The following PXN variants were observed in gnomAD, a reference collection of about 807,000 sequenced individuals.
PXN encodes the protein paxillin.
Under a neutral mutation model 103.6 loss-of-function variants are expected in PXN, and 61 were observed. That is an observed-to-expected ratio of 0.59 (90% CI 0.48 to 0.73). The LOEUF (loss-of-function observed/expected upper bound fraction) is 0.73, where lower values mean the gene tolerates loss of function less well. Among genes scored for constraint, PXN ranks in the 30% least tolerant of loss-of-function variants. The pLI is 0.00. For missense variants in PXN, 1,274 were observed against 1,460.3 expected (o/e 0.87, Z 2.08); for synonymous variants, 562 against 607.8 (o/e 0.92, Z 1.11).
At chr12:120,227,189 G>A (rs1480204032) in intron 1 of PXN, 3 of 982,916 alleles carry the variant, frequency 3.1e-6, no homozygotes, top group East Asian at 2.2e-4. Flanking sequence ...AAAACAGTGA[G>A]AGCCTGTCTC....
chr12:120,235,335 G>A (rs188137952), intron 1 of PXN, among the ~76,000 whole-genome samples: 1 of 152,258 alleles, frequency 6.6e-6, no homozygotes, highest in African/African-American at 2.4e-5. Context: ...AGCTCAGGAG[G>A]GGGTGAGGAG....
At chr12:120,237,126 CGTGTGT>C (rs147625061) in intron 1 of PXN, among the ~76,000 whole-genome samples, 18 of 142,506 alleles carry the variant, frequency 1.3e-4, no homozygotes, top group African/African-American at 4.0e-4. Context: ...TATGTATGTA[CGTGTGT>C]GTGTGTGTGT....
intron 1 of PXN, among the ~76,000 whole-genome samples, chr12:120,255,550 T>C (rs1443449406): frequency 1.3e-5 from 2 of 150,918 alleles, no homozygotes; most frequent in East Asian, 2.0e-4. Context: ...AAAAATTAGC[T>C]GGGCATGGTG....
intron 1 of PXN, among the ~76,000 whole-genome samples, chr12:120,252,625 C>T (rs959561544): frequency 3.9e-5 from 6 of 151,984 alleles, no homozygotes; most frequent in South Asian, 2.1e-4. Flanking sequence ...CATTAAACAT[C>T]GAGCACAGAG....
chr12:120,265,526 G>A lies in PXN; in HGVS notation c.13+91C>T. 2 of 1,380,414 alleles carry A rather than the reference G, an allele frequency of 1.4e-6. No homozygotes were observed. Among genetic ancestry groups the A allele is most frequent in the Non-Finnish European group, 1.9e-6 (2 of 1,057,894 alleles). The allele number at this position is 1,380,414 out of a possible 1,614,324, so 85.5% of individuals were successfully genotyped here. On this transcript the variant is annotated intron_variant, in intron 1 of 14. Transcript: ENST00000637617. This position sits in a 1 kb window ranked among gnomAD's most constrained non-coding sequence, Gnocchi z 5.7. Reference sequence around the variant, plus strand: ...CTGAGGCCGGGGCCGCCGAGGGTGGGATCCCGCGGCCCCTGCCGCTCGCTG... The same window carrying A: ...CTGAGGCCGGGGCCGCCGAGGGTGGAATCCCGCGGCCCCTGCCGCTCGCTG...
At position 120,214,756 on chromosome 12, in the gene PXN, G is replaced by C; in HGVS notation, c.2748+69C>G. Reference sequence around the variant, plus strand: ...CTCTGAGCCTCCCACGGCACCCCCTGCATCCTCAGAGGGCTGCGGTGAAGC... The same window carrying C: ...CTCTGAGCCTCCCACGGCACCCCCTCCATCCTCAGAGGGCTGCGGTGAAGC... On this transcript the variant is annotated intron_variant, in intron 12 of 14. Transcript: ENST00000637617. This position sits in a 1 kb window ranked among gnomAD's most constrained non-coding sequence, Gnocchi z 5.0. 2.1e-5 allele frequency: 33 copies of C among 1,580,424 alleles called. No homozygotes were observed. The highest frequency in any genetic ancestry group is 2.8e-5 in the Non-Finnish European group (32 of 1,157,284).
chr12:120,239,672 A>G (rs1199406210), intron 1 of PXN, among the ~76,000 whole-genome samples: 1 of 152,152 alleles, frequency 6.6e-6, no homozygotes, highest in Non-Finnish European at 1.5e-5. Context: ...AATTGCTTGA[A>G]CCTGGGAGGC....
In PXN at chr12:120,214,617, G is replaced by T. The variant is rs1045945063; in HGVS notation, c.2748+208C>A. ...TCTCCACAGAAAGGAATCGAGATGG[G>T]AGGTGAAGGGAGGTGGGGCTGCCCG... is the stretch of plus-strand genomic sequence containing the variant. On this transcript the variant is annotated intron_variant, in intron 12 of 14. Transcript: ENST00000637617. This position sits in a 1 kb window ranked among gnomAD's most constrained non-coding sequence, Gnocchi z 5.0. Among the ~76,000 whole-genome samples, 1 of 152,194 alleles carries T rather than the reference G, an allele frequency of 6.6e-6. No homozygotes were observed. Among genetic ancestry groups the T allele is most frequent in the African/African-American group, 2.4e-5 (1 of 41,448 alleles).
In PXN at chr12:120,236,571, G is replaced by A. The variant is rs369029546; in HGVS notation, c.14-12194C>T. ...CAGCTCACTGCAACCTCTGCCTCCC[G>A]GGTTCAAGCAATTCCCTGCCTCAGC... On this transcript the variant is annotated intron_variant, in intron 1 of 14. Coordinates refer to ENST00000637617, the MANE Select transcript of PXN (RefSeq NM_001385981.1). Among the ~76,000 whole-genome samples the A allele has an allele frequency of 4.7e-5, 7 of 150,014 alleles. No homozygotes were observed. In the East Asian group the frequency reaches 1.2e-3, roughly 25 times the overall value.
At chr12:120,230,269 TC>T (rs1471922316) in intron 1 of PXN, among the ~76,000 whole-genome samples, 1 of 152,124 alleles carries the variant, frequency 6.6e-6, no homozygotes, top group Admixed American at 6.6e-5. Context: ...CAGCTGTCCA[TC>T]CCTGCCATCT....
Position 120,219,963 on chromosome 12 carries a change from G to T in PXN, c.960C>A (p.Ser320=), listed in dbSNP as rs760153907. 1.3e-6 allele frequency: 2 copies of T among 1,596,130 alleles called. No homozygotes were observed. The highest frequency in any genetic ancestry group is 1.7e-6 in the Non-Finnish European group (2 of 1,177,760). ...SVFLPPTTIP[S]PRGQGHTPEF... is the part of the protein sequence containing the mutation. ...CCGGAGTGTGGCCCTGGCCTCGAGG[G>T]GAGGGTATAGTGGTGGGTGGCAGAA... Residue 320 remains serine, a synonymous_variant, in exon 7 of 15, where the codon TCC becomes TCA. Transcript: ENST00000637617. The surrounding 1 kb of genome is among the most constrained non-coding windows in gnomAD (Gnocchi z 6.5).
At position 120,215,575 on chromosome 12, in the gene PXN, C is replaced by T. The variant is rs1238578273; in HGVS notation, c.2388G>A (p.Gly796=). 6.3e-7 allele frequency: 1 copy of T among 1,599,362 alleles called. No individual in the cohort carries two copies. The highest frequency in any genetic ancestry group is 1.1e-5 in the South Asian group (1 of 90,110). The stretch of plus-strand genomic sequence containing the variant: ...TGGCACTGACCCCTCCCTCGTCCTG[C>T]CCTCCGGGGCTGCTCCGCCCGCCGT... ...PRDGGRSSPG[G]QDEGGFMAQG... is the part of the protein sequence containing the mutation. Residue 796 remains glycine, a synonymous_variant, in exon 10 of 15, where the codon GGG becomes GGA. Transcript: ENST00000637617. This position sits in a 1 kb window ranked among gnomAD's most constrained non-coding sequence, Gnocchi z 4.9.
chr12:120,243,785 T>C (rs1181443425), intron 1 of PXN, among the ~76,000 whole-genome samples: 2 of 152,184 alleles, frequency 1.3e-5, no homozygotes, highest in African/African-American at 4.8e-5. Context: ...TGAGGCTCCA[T>C]TCCTTTGAGT....
At position 120,211,941 on chromosome 12, in the gene PXN, C is replaced by T. The variant is rs1174449694; in HGVS notation, c.*373G>A. 1 of 546,626 alleles carries T rather than the reference C, an allele frequency of 1.8e-6. No homozygotes were observed. The highest frequency in any genetic ancestry group is 3.6e-6 in the Non-Finnish European group (1 of 279,034). 33.9% of individuals were successfully genotyped at this position (546,626 alleles called of 1,614,324 possible). On this transcript the variant is annotated 3_prime_UTR_variant, in exon 15 of 15. Transcript: ENST00000637617. ...AAAAAGAGACCCCAACAGACCCTGC[C>T]TGCCCTTCCCTGCCCCCCGGCTGCA... is the stretch of plus-strand genomic sequence containing the variant.
At chr12:120,236,538 C>T (rs1267237419) in intron 1 of PXN, among the ~76,000 whole-genome samples, 1 of 145,378 alleles carries the variant, frequency 6.9e-6, no homozygotes, top group African/African-American at 2.6e-5. Context: ...CGTACAGTGG[C>T]GCCATCTCAG....
In PXN at chr12:120,213,738, C is replaced by G. The variant is rs1881312855; in HGVS notation, c.2979+104G>C. 2.1e-6 allele frequency: 3 copies of G among 1,449,780 alleles called. No homozygotes were observed. The highest frequency in any genetic ancestry group is 2.8e-6 in the Non-Finnish European group (3 of 1,072,894). 89.8% of individuals were successfully genotyped at this position (1,449,780 alleles called of 1,614,324 possible). On this transcript the variant is annotated intron_variant, in intron 14 of 14. Transcript: ENST00000637617. The surrounding 1 kb of genome is among the most constrained non-coding windows in gnomAD (Gnocchi z 4.2). ...CTGCCTGCTCCCCCAATTAATAACC[C>G]CAAATGAGGCCTCTGAGTTGGATCC...
At chr12:120,242,467 G>T (rs149198712) in intron 1 of PXN, among the ~76,000 whole-genome samples, 1 of 152,134 alleles carries the variant, frequency 6.6e-6, no homozygotes, top group Non-Finnish European at 1.5e-5. Flanking sequence ...ATGAGCATGC[G>T]GCTCACCACT....
At chr12:120,226,394 G>T in intron 1 of PXN, 1 of 1,289,226 alleles carries the variant, frequency 7.8e-7, no homozygotes, top group South Asian at 1.2e-5. Flanking sequence ...AGCACAGATG[G>T]TATAACTGCG....
At position 120,221,784 on chromosome 12, in the gene PXN, G is replaced by T. The variant is rs1885237319; in HGVS notation, c.696-26C>A. 10 of 1,542,076 alleles carry T rather than the reference G, an allele frequency of 6.5e-6. No individual in the cohort carries two copies. Among genetic ancestry groups the T allele is most frequent in the Non-Finnish European group, 8.7e-6 (10 of 1,143,510 alleles). On this transcript the variant is annotated intron_variant, in intron 5 of 14. Transcript: ENST00000637617. The surrounding 1 kb of genome is among the most constrained non-coding windows in gnomAD (Gnocchi z 6.6). The stretch of plus-strand genomic sequence containing the variant: ...CTGCAGGGTGGGCACAGCATCAGTG[G>T]GGAGCCCACAGTCAGCCCCACACTT...
Sources: allele counts gnomAD v4.1 joint callset (sites outside exome capture counted in the v4.1 genomes callset), GRCh38; gene constraint gnomAD v4.1.1; non-coding constraint Gnocchi (gnomAD v3.1); transcripts MANE v1.5; gene names NCBI Gene and HGNC (gene_info 2026-07-23, HGNC 2026-07-21).